NPAS3: variants seen among roughly 807,000 people sequenced by gnomAD.
The protein encoded by NPAS3 is neuronal PAS domain protein 3.
Under a neutral mutation model 73.1 loss-of-function variants are expected in NPAS3, and 14 were observed. That is an observed-to-expected ratio of 0.19 (90% CI 0.13 to 0.30). The LOEUF is 0.30. Among genes scored for constraint, NPAS3 ranks in the 10% least tolerant of loss-of-function variants. The pLI is 1.00. For synonymous variants in NPAS3, 620 were observed against 541.5 expected (o/e 1.14, Z -2.01); for missense variants, 1,096 against 1,250.0 (o/e 0.88, Z 1.86).
intron 2 of NPAS3, among the ~76,000 whole-genome samples, chr14:33,192,873 G>A (rs764103304): frequency 1.3e-5 from 2 of 152,184 alleles, no homozygotes; most frequent in African/African-American, 2.4e-5. Context: ...CTACTCAGTG[G>A]TAGGAACTCC....
At chr14:33,725,262 A>G (rs1431189031) in intron 6 of NPAS3, among the ~76,000 whole-genome samples, 1 of 152,088 alleles carries the variant, frequency 6.6e-6, no homozygotes, top group Non-Finnish European at 1.5e-5. Context: ...TTGAAGTATA[A>G]TAAAAAATAA....
At chr14:33,185,422 A>G (rs763889151) in intron 2 of NPAS3, among the ~76,000 whole-genome samples, 3 of 152,226 alleles carry the variant, frequency 2.0e-5, no homozygotes, top group Non-Finnish European at 4.4e-5. Context: ...AGTAGTTCAA[A>G]TTTCTGCAGG....
At chr14:33,202,726 T>C (rs933859699) in intron 2 of NPAS3, among the ~76,000 whole-genome samples, 3 of 146,584 alleles carry the variant, frequency 2.0e-5, no homozygotes, top group South Asian at 2.2e-4. Flanking sequence ...TTTTGAAAAA[T>C]AAACCCACCC....
At chr14:33,219,767 G>T (rs927908571) in intron 3 of NPAS3, among the ~76,000 whole-genome samples, 3 of 152,108 alleles carry the variant, frequency 2.0e-5, no homozygotes, top group Non-Finnish European at 4.4e-5. Context: ...CTGAGTACAG[G>T]TCGTACTCAG....
chr14:32,948,350 G>T (rs912749431), intron 1 of NPAS3, among the ~76,000 whole-genome samples: 1 of 151,976 alleles, frequency 6.6e-6, no homozygotes. Flanking sequence ...AGAAATGGTT[G>T]GTTTAATCCT....
chr14:33,140,653 A>G (rs1404485339), intron 2 of NPAS3, among the ~76,000 whole-genome samples: 1 of 152,186 alleles, frequency 6.6e-6, no homozygotes, highest in African/African-American at 2.4e-5. Context: ...GCAGGATTAT[A>G]ATTCTTAGCT....
At chr14:32,934,872 C>G (rs1215797660), upstream of NPAS3, 1 of 661,048 alleles carries the variant, frequency 1.5e-6, no homozygotes, top group African/African-American at 2.0e-5. This position sits in a 1 kb window ranked among gnomAD's most constrained non-coding sequence, Gnocchi z 4.1. Flanking sequence ...CGGATTTCAG[C>G]GTGCAGGTGA....
At chr14:33,723,631 T>C (rs1268736390) in intron 6 of NPAS3, among the ~76,000 whole-genome samples, 4 of 151,538 alleles carry the variant, frequency 2.6e-5, no homozygotes, top group Admixed American at 6.6e-5. Flanking sequence ...TGTCCCTGTA[T>C]GAAGGAGAAG....
intron 4 of NPAS3, among the ~76,000 whole-genome samples, chr14:33,404,255 G>A (rs940542172): frequency 3.9e-5 from 6 of 152,080 alleles, no homozygotes; most frequent in African/African-American, 1.4e-4. Flanking sequence ...TATACTACGT[G>A]TGGTAGGAAT....
At chr14:33,464,478 T>G (rs1035937792) in intron 4 of NPAS3, among the ~76,000 whole-genome samples, 1 of 152,154 alleles carries the variant, frequency 6.6e-6, no homozygotes, top group Non-Finnish European at 1.5e-5. Context: ...ATCGGTGACA[T>G]AGCTGACCCA....
intron 4 of NPAS3, among the ~76,000 whole-genome samples, chr14:33,422,768 A>G (rs1379526747): frequency 6.6e-6 from 1 of 151,966 alleles, no homozygotes; most frequent in Non-Finnish European, 1.5e-5. Flanking sequence ...AGATATGTTG[A>G]ACTCTCTTTG....
intron 5 of NPAS3, among the ~76,000 whole-genome samples, chr14:33,635,948 T>C (rs2058502212): frequency 6.6e-6 from 1 of 152,154 alleles, no homozygotes; most frequent in Non-Finnish European, 1.5e-5. Context: ...CGACTAGACC[T>C]AACTTTTTTT....
intron 3 of NPAS3, among the ~76,000 whole-genome samples, chr14:33,215,859 G>A (rs571046993): frequency 1.3e-5 from 2 of 152,154 alleles, no homozygotes; most frequent in Non-Finnish European, 2.9e-5. Context: ...GGCATTTTAA[G>A]TTAATGATTT....
rs139861708 is a variant in NPAS3 at position 33,226,480 on chromosome 14, A to C, written c.385+11054A>C. Among the ~76,000 whole-genome samples, 3 of 152,330 alleles carry C rather than the reference A, an allele frequency of 2.0e-5. No individual in the cohort carries two copies. In the East Asian group the frequency reaches 5.8e-4, roughly 29 times the overall value. The stretch of plus-strand genomic sequence containing the variant: ...TTATTATCAGCAATACAATGAATAA[A>C]ATTGGTAAATCTAACCTAGTTTTTT... On this transcript the variant is annotated intron_variant, in intron 3 of 11. Transcript: ENST00000356141.
intron 2 of NPAS3, among the ~76,000 whole-genome samples, chr14:33,186,722 C>T (rs1422857060): frequency 6.6e-6 from 1 of 152,186 alleles, no homozygotes; most frequent in African/African-American, 2.4e-5. Flanking sequence ...ACACCTAATT[C>T]ATCAGCAAGC....
rs1451670906 is a variant in NPAS3, at chr14:32,988,118, T to C, written c.50+48752T>C. Among the ~76,000 whole-genome samples, 17 of 152,278 alleles carry C rather than the reference T, an allele frequency of 1.1e-4. No individual in the cohort carries two copies. The East Asian group carries it at 3.3e-3, about 29-fold the overall frequency. On this transcript the variant is annotated intron_variant, in intron 1 of 11. Transcript: ENST00000356141. Reference sequence around the variant, plus strand: ...AATATGTAAAATATTCAAATAAGATTTAAGAAAACATTGATTTGGTGATTT... The same window carrying C: ...AATATGTAAAATATTCAAATAAGATCTAAGAAAACATTGATTTGGTGATTT...
intron 6 of NPAS3, among the ~76,000 whole-genome samples, chr14:33,689,890 G>A (rs2060187260): frequency 6.6e-6 from 1 of 152,104 alleles, no homozygotes; most frequent in African/African-American, 2.4e-5. Flanking sequence ...CTTGGAGGCT[G>A]GCCAGCTCCA....
At chr14:33,715,715 T>C (rs937599850) in intron 6 of NPAS3, among the ~76,000 whole-genome samples, 7 of 152,206 alleles carry the variant, frequency 4.6e-5, no homozygotes, top group African/African-American at 1.7e-4. Flanking sequence ...TAAACACTGA[T>C]ATGGTTTGAC....
chr14:33,777,508 G>A (rs919345490), intron 8 of NPAS3, among the ~76,000 whole-genome samples: 6 of 151,240 alleles, frequency 4.0e-5, no homozygotes, highest in African/African-American at 1.2e-4. Flanking sequence ...TCTTAAATGT[G>A]TCATTTCTAA....
Sources: allele counts gnomAD v4.1 joint callset (sites outside exome capture counted in the v4.1 genomes callset), GRCh38; gene constraint gnomAD v4.1.1; non-coding constraint Gnocchi (gnomAD v3.1); transcripts MANE v1.5; gene names NCBI Gene and HGNC (gene_info 2026-07-23, HGNC 2026-07-21).